PCNT: variants seen among roughly 807,000 people sequenced by gnomAD.
PCNT encodes the protein kendrin.
In PCNT, 319 loss-of-function variants were observed where a neutral mutation model predicts 380.4. That is an observed-to-expected ratio of 0.84 (90% confidence interval 0.77 to 0.92). The LOEUF is 0.92. Ranked by LOEUF, PCNT falls within the 40% of genes least tolerant of loss-of-function variation. The pLI, the probability that PCNT is intolerant of heterozygous loss-of-function variation, is 0.00. For synonymous variants in PCNT, 1,845 were observed against 1,735.2 expected (o/e 1.06, Z -1.57); for missense variants, 4,400 against 4,255.3 (o/e 1.03, Z -0.95).
intron 15 of PCNT, among the ~76,000 whole-genome samples, chr21:46,373,763 C>T (rs2085239394): frequency 8.1e-6 from 1 of 123,944 alleles, no homozygotes; most frequent in Non-Finnish European, 1.6e-5. Flanking sequence ...CGGAGTCTCG[C>T]TCTGTCGCCA....
intron 13 of PCNT, among the ~76,000 whole-genome samples, chr21:46,358,339 G>A (rs2084555224): frequency 6.6e-6 from 1 of 152,202 alleles, no homozygotes; most frequent in South Asian, 2.1e-4. Flanking sequence ...CCCTGTGAAT[G>A]TCTCCCTGAG....
In PCNT at chr21:46,398,122, G is replaced by A. The variant is rs762126145; in HGVS notation, c.4555G>A (p.Asp1519Asn). The A allele has an allele frequency of 1.1e-5, 17 of 1,606,248 alleles. No homozygotes were observed. Among genetic ancestry groups the A allele is most frequent in the East Asian group, 6.7e-5 (3 of 44,670 alleles). ...AAKPQPWGPR[D>N]SQQAPLDGEV... The stretch of plus-strand genomic sequence containing the variant: ...CAAGCCGCAGCCCTGGGGCCCTCGC[G>A]ACAGCCAGGTGAGTCAGTGCAGCGT... Residue 1519 changes from aspartate (D) to asparagine (N), a missense_variant, in exon 23 of 47, where the codon GAC (aspartate) becomes AAC (asparagine). Transcript: ENST00000359568.
chr21:46,401,858 G>T (rs879939398), intron 26 of PCNT, 137 bp downstream of exon 26: 16 of 872,102 alleles, frequency 1.8e-5, no homozygotes, highest in Non-Finnish European at 2.7e-5. Flanking sequence ...TCTTTTTTTT[G>T]TTGTTGTTTG....
At chr21:46,442,334 G>A (rs1020033351) in intron 43 of PCNT, among the ~76,000 whole-genome samples, 163 bp from the exon 44 acceptor site, 4 of 152,068 alleles carry the variant, frequency 2.6e-5, no homozygotes, top group East Asian at 3.9e-4. Flanking sequence ...GTGTGCACCC[G>A]GCATGCCAGG....
intron 31 of PCNT, among the ~76,000 whole-genome samples, chr21:46,418,908 G>A (rs906782375): frequency 6.6e-6 from 1 of 152,230 alleles, no homozygotes; most frequent in African/African-American, 2.4e-5. Flanking sequence ...GCCTTTGTCT[G>A]TGATGGTGCC....
At chr21:46,377,970 T>C (rs1569221617) in intron 15 of PCNT, among the ~76,000 whole-genome samples, 2 of 152,196 alleles carry the variant, frequency 1.3e-5, no homozygotes, top group African/African-American at 2.4e-5. Flanking sequence ...AGACTCAGCG[T>C]GTGCCCTCGG....
At position 46,353,991 on chromosome 21, in the gene PCNT, T is replaced by C. The variant is rs759338595; in HGVS notation, c.1684T>C (p.Ser562Pro). The C allele has an allele frequency of 2.0e-5, 33 of 1,613,368 alleles. No homozygotes were observed. Among genetic ancestry groups the C allele is most frequent in the Admixed American group, 3.3e-5 (2 of 59,996 alleles). The change falls in exon 11 of 47, where the codon TCC becomes CCC. Residue 562 changes from serine to proline, a missense_variant. Coordinates refer to ENST00000359568, the MANE Select transcript of PCNT (RefSeq NM_006031.6). The stretch of plus-strand genomic sequence containing the variant: ...TATAAAATGTTTTCCCTTCAGGTTG[T>C]CCTGTGTGGGTTTAGAAGAGAAACC... ...ALLDSVEVGL[S>P]CVGLEEKPEK...
rs781519156 is a variant in PCNT at position 46,438,356 on chromosome 21, C to T, written c.9273+19C>T. 3.7e-6 allele frequency: 6 copies of T among 1,611,568 alleles called. No homozygotes were observed. The highest frequency in any genetic ancestry group is 5.1e-6 in the Non-Finnish European group (6 of 1,178,290). On this transcript the variant is annotated intron_variant, in intron 41 of 46. Transcript: ENST00000359568. ...CCCAAGCGTAGGTGTCTGTGCTTAA[C>T]TCTTACCTGCCTCAGCCTAACCCAC...
chr21:46,390,862 G>A (rs2086007573), intron 20 of PCNT, 30 bp downstream of exon 20: 1 of 1,598,850 alleles, frequency 6.3e-7, no homozygotes, highest in African/African-American at 1.3e-5. Flanking sequence ...GGGGCACCTG[G>A]AGCACAGGCA....
chr21:46,333,965 G>A (rs1243163124), intron 2 of PCNT, among the ~76,000 whole-genome samples: 1 of 152,142 alleles, frequency 6.6e-6, no homozygotes, highest in Non-Finnish European at 1.5e-5. Flanking sequence ...CCAGCACTTT[G>A]GGAGGCCAAG....
At chr21:46,325,106 A>G in intron 1 of PCNT, 2 of 985,474 alleles carry the variant, frequency 2.0e-6, no homozygotes, top group Non-Finnish European at 2.4e-6. Context: ...CCACTGTCCT[A>G]GGTTTCGTGG....
intron 3 of PCNT, among the ~76,000 whole-genome samples, chr21:46,343,572 G>A (rs1027420450): frequency 1.3e-5 from 2 of 152,160 alleles, no homozygotes; most frequent in Non-Finnish European, 2.9e-5. Context: ...ATATTGGTCT[G>A]TAGTTTTCTT....
Position 46,355,595 on chromosome 21 carries a change from G to A in PCNT, c.1905G>A (p.Trp635Ter). The stretch of plus-strand genomic sequence containing the variant: ...AGACTTCAGCATTGGGACACGAGTG[G>A]CGTCTGGAACCCTCTGAAGGGCACA... ...CVETSALGHE[W>*]RLEPSEGHSQ... is the part of the protein sequence containing the mutation. Residue 635 changes from tryptophan to a stop codon, truncating the protein, a stop_gained, in exon 12 of 47, where the codon TGG (tryptophan) becomes TGA (stop). Transcript: ENST00000359568. LOFTEE classifies it high-confidence loss of function. The A allele has an allele frequency of 6.2e-7, 1 of 1,614,066 alleles. No individual in the cohort carries two copies. Among genetic ancestry groups the A allele is most frequent in the South Asian group, 1.1e-5 (1 of 91,074 alleles).
intron 41 of PCNT, among the ~76,000 whole-genome samples, chr21:46,438,609 A>G (rs554490434): frequency 2.7e-4 from 41 of 151,646 alleles, no homozygotes; most frequent in African/African-American, 8.5e-4. Flanking sequence ...ATAAAAGGGT[A>G]TTTTGACTAA....
intron 45 of PCNT, 107 bp downstream of exon 45, chr21:46,444,055 G>A: frequency 8.1e-7 from 1 of 1,235,992 alleles, no homozygotes; most frequent in Non-Finnish European, 1.1e-6. Context: ...CCAGCCCAGG[G>A]CAAGGCAGGA....
intron 14 of PCNT, 122 bp downstream of exon 14, chr21:46,364,056 GC>G (rs1224391742): frequency 2.3e-6 from 2 of 858,016 alleles, no homozygotes; most frequent in Non-Finnish European, 3.7e-6. Context: ...TCTGGAGGGA[GC>G]TGGAACAAGG....
At chr21:46,354,106 G>A in intron 11 of PCNT, 38 bp downstream of exon 11, 3 of 1,545,448 alleles carry the variant, frequency 1.9e-6, no homozygotes, top group Non-Finnish European at 1.8e-6. Context: ...GGAGTCCTGT[G>A]CTCTTGACCT....
At chr21:46,399,108 C>T (rs1056585297) in intron 24 of PCNT, among the ~76,000 whole-genome samples, 4 of 152,178 alleles carry the variant, frequency 2.6e-5, no homozygotes, top group Admixed American at 6.5e-5. Context: ...CGTGAGCCAC[C>T]GCGCCGGCTG....
chr21:46,409,409 G>A (rs555005399), intron 27 of PCNT, among the ~76,000 whole-genome samples: 12 of 151,934 alleles, frequency 7.9e-5, no homozygotes, highest in Admixed American at 2.0e-4. Context: ...GGCTGGTCTC[G>A]AACGCCTAAC....
Sources: gnomAD v4.1 joint callset for allele counts (sites outside exome capture counted in the v4.1 genomes callset) on GRCh38, gnomAD v4.1.1 for gene constraint, MANE v1.5 for transcripts, NCBI Gene and HGNC (gene_info 2026-07-23, HGNC 2026-07-21) for gene names.